The following DAB1 variants were observed in gnomAD, a reference collection of about 807,000 sequenced individuals.
The protein encoded by DAB1 is DAB adaptor protein 1, also known as disabled homolog 1.
DAB1 carries 15 observed loss-of-function variants against 64.6 expected under a neutral mutation model. The ratio of observed to expected loss-of-function variants is 0.23; its 90% confidence interval spans 0.16 to 0.36. The LOEUF (loss-of-function observed/expected upper bound fraction) is 0.36, where lower values mean the gene tolerates loss of function less well. DAB1 is among the 10% of genes least tolerant of loss of function. The pLI, the probability that DAB1 is intolerant of heterozygous loss-of-function variation, is 1.00. For missense variants in DAB1, 596 were observed against 706.7 expected, an observed-to-expected ratio of 0.84 and a Z score of 1.78; for synonymous variants, 235 against 251.9, an observed-to-expected ratio of 0.93 and a Z score of 0.64.
intron 1 of DAB1, among the ~76,000 whole-genome samples, chr1:57,315,914 C>T (rs1208980732): frequency 1.3e-5 from 2 of 152,196 alleles, no homozygotes; most frequent in Non-Finnish European, 2.9e-5. Context: ...GGTATAGCAG[C>T]TATAGAGACC....
intron 4 of DAB1, among the ~76,000 whole-genome samples, chr1:58,207,990 T>C (rs1432017553): frequency 6.6e-6 from 1 of 152,074 alleles, no homozygotes; most frequent in East Asian, 1.9e-4. Flanking sequence ...GAAGGGGAAG[T>C]GAACATGTCC....
chr1:57,430,908 G>A (rs200194166), intron 7 of DAB1, among the ~76,000 whole-genome samples: 15 of 146,496 alleles, frequency 1.0e-4, no homozygotes, highest in Non-Finnish European at 9.0e-5. Context: ...GGCAGAGAAA[G>A]AAAAAAAAAA....
chr1:58,470,066 A>G (rs1376130828), intron 3 of DAB1, among the ~76,000 whole-genome samples: 3 of 151,798 alleles, frequency 2.0e-5, no homozygotes, highest in Non-Finnish European at 4.4e-5. Flanking sequence ...CATTTGACAA[A>G]GAGGGAATTT....
chr1:57,942,524 A>C (rs1044478467), intron 5 of DAB1, among the ~76,000 whole-genome samples: 1 of 152,172 alleles, frequency 6.6e-6, no homozygotes, highest in African/African-American at 2.4e-5. Context: ...GTATCTATGA[A>C]TCTGACCTGC....
chr1:58,346,145 TC>T (rs1423689657), intron 3 of DAB1, among the ~76,000 whole-genome samples: 1 of 152,216 alleles, frequency 6.6e-6, no homozygotes, highest in Non-Finnish European at 1.5e-5. Context: ...GATACGGCAG[TC>T]CGGCCCATAC....
chr1:57,563,419 C>T (rs1007902985), intron 7 of DAB1, among the ~76,000 whole-genome samples: 4 of 152,120 alleles, frequency 2.6e-5, no homozygotes, highest in Admixed American at 1.3e-4. Flanking sequence ...GTTTATCTCA[C>T]TGGGGCTTGT....
chr1:57,760,064 T>G (rs1410844462), intron 6 of DAB1, among the ~76,000 whole-genome samples: 1 of 152,054 alleles, frequency 6.6e-6, no homozygotes, highest in Admixed American at 6.6e-5. Context: ...AAATGAAGTT[T>G]GTGGAGAACT....
chr1:57,329,929 T>C (rs562795734), intron 1 of DAB1, among the ~76,000 whole-genome samples: 1 of 152,328 alleles, frequency 6.6e-6, no homozygotes, highest in African/African-American at 2.4e-5. Context: ...TCAAGAAATA[T>C]TGCTTGAGTT....
At chr1:58,081,574 G>A (rs993235998) in intron 5 of DAB1, among the ~76,000 whole-genome samples, 2 of 152,200 alleles carry the variant, frequency 1.3e-5, no homozygotes, top group African/African-American at 4.8e-5. Context: ...GAAAGAACTG[G>A]TTACATAGTA....
intron 6 of DAB1, among the ~76,000 whole-genome samples, chr1:57,705,082 C>T (rs1306702765): frequency 1.3e-5 from 2 of 152,118 alleles, no homozygotes; most frequent in East Asian, 3.9e-4. Context: ...CAGCCCATCA[C>T]CTTTATATTA....
intron 5 of DAB1, among the ~76,000 whole-genome samples, chr1:58,105,220 C>T (rs774821399): frequency 1.8e-4 from 28 of 152,222 alleles, no homozygotes; most frequent in Non-Finnish European, 3.5e-4. Flanking sequence ...TGGTTAGCAA[C>T]AGTCATTTCT....
intron 1 of DAB1, among the ~76,000 whole-genome samples, chr1:57,377,477 T>G (rs1238640222): frequency 1.3e-5 from 2 of 152,038 alleles, no homozygotes; most frequent in Non-Finnish European, 2.9e-5. Context: ...TCAGACAACC[T>G]CCTCAGATGA....
intron 4 of DAB1, among the ~76,000 whole-genome samples, chr1:58,274,581 A>T (rs1661386406): frequency 6.8e-6 from 1 of 147,446 alleles, no homozygotes; most frequent in South Asian, 2.3e-4. Context: ...ACGCCTGGGC[A>T]ATGGCGGGCG....
chr1:57,372,156 G>A (rs1297953642), intron 1 of DAB1, among the ~76,000 whole-genome samples: 6 of 152,144 alleles, frequency 3.9e-5, no homozygotes, highest in Non-Finnish European at 8.8e-5. Context: ...ACATTCGCAG[G>A]AATGCATTAA....
At chr1:58,084,333 C>T (rs1024586812) in intron 5 of DAB1, 1 of 152,246 alleles carries the variant, frequency 6.6e-6, no homozygotes, top group African/African-American at 2.4e-5. Context: ...GGCTTTTTTC[C>T]TCTGCCTTTC....
intron 4 of DAB1, among the ~76,000 whole-genome samples, chr1:58,256,005 C>A (rs552567142): frequency 6.6e-6 from 1 of 152,318 alleles, no homozygotes; most frequent in East Asian, 1.9e-4. Context: ...CCAGTGCCTG[C>A]GCTCTTTCCA....
intron 3 of DAB1, among the ~76,000 whole-genome samples, chr1:57,142,068 G>C (rs1421757737): frequency 6.6e-6 from 1 of 152,098 alleles, no homozygotes; most frequent in Non-Finnish European, 1.5e-5. Flanking sequence ...ATGTGAAAAT[G>C]CTTTATGGAT....
chr1:57,792,360 G>A (rs1232541560), intron 6 of DAB1, among the ~76,000 whole-genome samples: 1 of 152,168 alleles, frequency 6.6e-6, no homozygotes, highest in Non-Finnish European at 1.5e-5. Context: ...ACAGCAGGCT[G>A]ACATTCTAGG....
intron 1 of DAB1, among the ~76,000 whole-genome samples, chr1:57,855,432 C>T (rs1211217352): frequency 2.0e-5 from 3 of 152,108 alleles, no homozygotes; most frequent in African/African-American, 7.2e-5. Flanking sequence ...AATTAATAAA[C>T]AACTCTAATA....
Sources: gnomAD v4.1 joint callset for allele counts (sites outside exome capture counted in the v4.1 genomes callset) on GRCh38, gnomAD v4.1.1 for gene constraint, MANE v1.5 for transcripts, NCBI Gene and HGNC (gene_info 2026-07-23, HGNC 2026-07-21) for gene names.